UNC13D: variants seen among roughly 807,000 people sequenced by gnomAD.
UNC13D encodes the protein unc-13 homolog D, also known as protein unc-13 homolog D.
UNC13D carries 115 observed loss-of-function variants against 151.7 expected under a neutral mutation model. The ratio of observed to expected loss-of-function variants is 0.76; its 90% CI spans 0.65 to 0.88. The LOEUF is 0.88. Among genes scored for constraint, UNC13D ranks in the 40% least tolerant of loss-of-function variants. UNC13D has a pLI of 0.00. For synonymous variants in UNC13D, 588 were observed against 612.2 expected, an observed-to-expected ratio of 0.96 and a Z score of 0.58; for missense variants, 1,369 against 1,438.7, an observed-to-expected ratio of 0.95 and a Z score of 0.78.
Position 75,836,440 on chromosome 17 carries a change from G to A in UNC13D, c.1299-11C>T. Reference sequence around the variant, plus strand: ...ATCTGTACCAGGACCCTGCAAGATGGAAAGAGCTGTGTCGAAAGTGCCTGC... The same window carrying A: ...ATCTGTACCAGGACCCTGCAAGATGAAAAGAGCTGTGTCGAAAGTGCCTGC... On this transcript the variant is annotated splice_polypyrimidine_tract_variant and intron_variant, in intron 14 of 31. Coordinates refer to ENST00000207549, the MANE Select transcript of UNC13D (RefSeq NM_199242.3). The A allele has an allele frequency of 6.2e-7, 1 of 1,612,474 alleles. No individual in the cohort carries two copies. The highest frequency in any genetic ancestry group is 1.1e-5 in the South Asian group (1 of 91,062).
At chr17:75,828,142 G>A (rs1028575094) in intron 31 of UNC13D, 56 bp from the exon 32 acceptor site, 82 of 1,550,064 alleles carry the variant, frequency 5.3e-5, no homozygotes, top group Non-Finnish European at 6.6e-5. Context: ...GTGCCTGGTG[G>A]TGGCAGAGAA....
At chr17:75,843,393 C>T (rs1056945524) in intron 2 of UNC13D, 91 bp downstream of exon 2, 120 of 1,568,020 alleles carry the variant, frequency 7.7e-5, no homozygotes, top group Middle Eastern at 2.1e-4. Flanking sequence ...CCCTCCCCAC[C>T]GCAAGTTGCT....
At chr17:75,834,581 C>T in intron 22 of UNC13D, 37 bp downstream of exon 22, 5 of 1,612,928 alleles carry the variant, frequency 3.1e-6, no homozygotes, top group South Asian at 1.1e-5. Context: ...CTGGTCCCCA[C>T]ACCCAGCTAG....
At chr17:75,828,274 G>A (rs2062137975) in intron 31 of UNC13D, among the ~76,000 whole-genome samples, 188 bp from the exon 32 acceptor site, 5 of 152,218 alleles carry the variant, frequency 3.3e-5, no homozygotes, top group South Asian at 2.1e-4. Flanking sequence ...GTCGGGTCGC[G>A]TAACAGACAG....
At position 75,842,422 on chromosome 17, in the gene UNC13D, C is replaced by T. The variant is rs746068656; in HGVS notation, c.569+11G>A. 1.5e-5 allele frequency: 24 copies of T among 1,605,778 alleles called. No individual in the cohort carries two copies. Among genetic ancestry groups the T allele is most frequent in the Admixed American group, 5.0e-5 (3 of 59,724 alleles). ...CCTGGATAGAGTGGGGGCTGGAGCA[C>T]GGCCACGTACAGGATGAAGGTCTCG... On this transcript the variant is annotated intron_variant, in intron 6 of 31. Transcript: ENST00000207549.
chr17:75,829,123 T>C (rs1207234350), intron 30 of UNC13D, 140 bp from the exon 31 acceptor site: 1 of 1,047,548 alleles, frequency 9.5e-7, no homozygotes, highest in African/African-American at 1.6e-5. Context: ...CTCTCAGCCA[T>C]GTGGTGCAAT....
At chr17:75,831,461 C>G (rs1184263610) in intron 25 of UNC13D, 113 bp from the exon 26 acceptor site, 2 of 948,842 alleles carry the variant, frequency 2.1e-6, no homozygotes, top group Non-Finnish European at 3.1e-6. Context: ...CACCCCAGCT[C>G]CTCCCACCCC....
Position 75,834,427 on chromosome 17 carries a change from C to T in UNC13D, c.2196G>A (p.Leu732=). 1.3e-6 allele frequency: 2 copies of T among 1,571,408 alleles called. No homozygotes were observed. The highest frequency in any genetic ancestry group is 2.3e-5 in the South Asian group (2 of 87,390). ...EALEQRVGAV[L]EQGQLQNTLH... is the part of the protein sequence containing the mutation. ...GCGTGTTCTGCAGCTGCCCCTGCTC[C>T]AGCACGGCCCCTACCCGCTGCTCCA... The change falls in exon 23 of 32, where the codon CTG becomes CTA. Residue 732 remains leucine (L), a synonymous_variant. Coordinates refer to ENST00000207549, the MANE Select transcript of UNC13D (RefSeq NM_199242.3).
chr17:75,827,750 C>A lies in UNC13D; in HGVS notation c.*215G>T, dbSNP rs780054688. The A allele has an allele frequency of 6.7e-7, 1 of 1,488,988 alleles. No homozygotes were observed. Among genetic ancestry groups the A allele is most frequent in the South Asian group, 1.3e-5 (1 of 78,280 alleles). 92.2% of individuals were successfully genotyped at this position (1,488,988 alleles called of 1,614,324 possible). A position where few individuals can be genotyped will look rare whatever the true frequency, so the allele number is the denominator to read the frequency against. ...TGTGGTAGAGACATTGCAGCCAGGG[C>A]TGGAGGCAGGGAGGCGGGAGTAGAG... On this transcript the variant is annotated 3_prime_UTR_variant, in exon 32 of 32. Coordinates refer to ENST00000207549, the MANE Select transcript of UNC13D (RefSeq NM_199242.3).
In UNC13D at chr17:75,836,668, G is replaced by T. The variant is rs758867274; in HGVS notation, c.1202C>A (p.Ser401Tyr). The T allele has an allele frequency of 5.0e-6, 8 of 1,613,632 alleles. No homozygotes were observed. In the East Asian group the frequency reaches 1.6e-4, roughly 31 times the overall value. The change falls in exon 14 of 32, where the codon TCC becomes TAC. Residue 401 changes from serine (S) to tyrosine (Y), a missense_variant. By Grantham distance (144) the Ser-to-Tyr change is moderately radical (BLOSUM62 -2). This residue lies in a region of UNC13D where 550 missense variants were observed against 609.0 expected (regional missense o/e 0.90). Transcript: ENST00000207549. ...QQEELAASFS[S>Y]LLTYGLSLIR... ...GAGGGAGAGGCCGTAGGTCAGCAGG[G>T]AGCTGAATGAGGCGGCCAGCTCCTC...
intron 31 of UNC13D, 32 bp from the exon 32 acceptor site, chr17:75,828,118 C>T (rs1235970122): frequency 6.4e-7 from 1 of 1,566,046 alleles, no homozygotes; most frequent in South Asian, 1.2e-5. Flanking sequence ...GGTCAGATGC[C>T]AGGGGAGAGG....
intron 30 of UNC13D, among the ~76,000 whole-genome samples, 177 bp from the exon 31 acceptor site, chr17:75,829,160 T>C (rs1420029955): frequency 1.3e-5 from 2 of 152,216 alleles, no homozygotes; most frequent in African/African-American, 4.8e-5. Context: ...GGCTGATGCT[T>C]TAAACCAGCG....
chr17:75,837,626 C>A (rs578048430), intron 12 of UNC13D, among the ~76,000 whole-genome samples: 2 of 151,418 alleles, frequency 1.3e-5, no homozygotes, highest in East Asian at 4.0e-4. Context: ...TGATGGCAGG[C>A]ACCTGTAGTC....
rs536659384 is a variant in UNC13D, at chr17:75,842,961, G to A, written c.322-38C>T. ...GAGGGATGGCCTGAGTCCCTGAGGGGGCTGGGCTTCCCAGGCCCCTCCTTG... is the reference window on the plus strand; with the variant it reads ...GAGGGATGGCCTGAGTCCCTGAGGGAGCTGGGCTTCCCAGGCCCCTCCTTG... On this transcript the variant is annotated intron_variant, in intron 4 of 31. Coordinates refer to ENST00000207549, the MANE Select transcript of UNC13D (RefSeq NM_199242.3). 1.8e-5 allele frequency: 29 copies of A among 1,613,128 alleles called. No individual in the cohort carries two copies. In the South Asian group the frequency reaches 2.6e-4, roughly 15 times the overall value.
In UNC13D at chr17:75,835,700, C is replaced by G; in HGVS notation, c.1674G>C (p.Gln558His). The G allele has an allele frequency of 6.2e-7, 1 of 1,613,580 alleles. No homozygotes were observed. The highest frequency in any genetic ancestry group is 8.5e-7 in the Non-Finnish European group (1 of 1,180,038). ...AGAGCTCCTTGAGGCTGATGTAGAG[C>G]TGGAACAGACTCTCGCCCATCTCTG... The part of the protein sequence containing the change: ...VSPEMGESLF[Q>H]LYISLKELCQ... Residue 558 changes from glutamine to histidine, a missense_variant, in exon 19 of 32, where the codon CAG becomes CAC. Gln to His is a conservative substitution (Grantham distance 24). Around this residue, in one of 3 missense-constraint regions of UNC13D, gnomAD observed 807 missense variants for 795.5 expected, o/e 1.01. Coordinates refer to ENST00000207549, the MANE Select transcript of UNC13D (RefSeq NM_199242.3).
Position 75,836,275 on chromosome 17 carries a change from T to C in UNC13D, c.1390-19A>G, listed in dbSNP as rs770697244. ...TGCCAGTCTGTCGACAAAGAGGCAG[T>C]GAGCAGGGAGGGACTGCCAGGCCCA... On this transcript the variant is annotated intron_variant, in intron 15 of 31. Transcript: ENST00000207549. The C allele has an allele frequency of 3.7e-6, 6 of 1,612,858 alleles. No individual in the cohort carries two copies. The highest frequency in any genetic ancestry group is 2.2e-5 in the East Asian group (1 of 44,862).
rs552415317 is a variant in UNC13D, at chr17:75,841,031, C to A, written c.570-30G>T. On this transcript the variant is annotated intron_variant, in intron 6 of 31. Coordinates refer to ENST00000207549, the MANE Select transcript of UNC13D (RefSeq NM_199242.3). ...ATGGAGAAAAGGGCGTGGTTGAGGG[C>A]CCTGGAGGGTGGATGCCCCCAGACG... 6 of 1,613,626 alleles carry A rather than the reference C, an allele frequency of 3.7e-6. No homozygotes were observed. In the Admixed American group the frequency reaches 8.3e-5, roughly 22 times the overall value.
At position 75,841,049 on chromosome 17, in the gene UNC13D, C is replaced by G. The variant is rs755179179; in HGVS notation, c.570-48G>C. 1.5e-5 allele frequency: 24 copies of G among 1,612,464 alleles called. No individual in the cohort carries two copies. The South Asian group carries it at 2.6e-4, about 18-fold the overall frequency. ...TTGAGGGCCCTGGAGGGTGGATGCC[C>G]CCAGACGAAGCAGTAAGTGACCACA... On this transcript the variant is annotated intron_variant, in intron 6 of 31. Coordinates refer to ENST00000207549, the MANE Select transcript of UNC13D (RefSeq NM_199242.3).
chr17:75,838,163 C>T (rs1264301372), intron 12 of UNC13D, among the ~76,000 whole-genome samples: 3 of 152,120 alleles, frequency 2.0e-5, no homozygotes, highest in African/African-American at 7.2e-5. Context: ...CAGCCCAGGC[C>T]TGAGTCGGCA....
Sources: gnomAD v4.1 joint callset for allele counts (sites outside exome capture counted in the v4.1 genomes callset) on GRCh38, gnomAD v4.1.1 for gene constraint, gnomAD v4.1.1 regional missense constraint, MANE v1.5 for transcripts, NCBI Gene and HGNC (gene_info 2026-07-23, HGNC 2026-07-21) for gene names.